PPP1R1C: variants seen among roughly 807,000 people sequenced by gnomAD.
The protein encoded by PPP1R1C is protein phosphatase 1 regulatory inhibitor subunit 1C, also known as protein phosphatase 1 regulatory subunit 1C.
In PPP1R1C, 15 loss-of-function variants were observed where a neutral mutation model predicts 17.4. The observed-to-expected ratio is 0.86, with a 90% CI of 0.58 to 1.33. PPP1R1C has a LOEUF of 1.33. Among genes scored for constraint, PPP1R1C ranks in the 40% most tolerant of loss-of-function variants. The pLI, the probability that PPP1R1C is intolerant of heterozygous loss-of-function variation, is 0.00. For missense variants in PPP1R1C, 143 were observed against 130.0 expected (o/e 1.10, Z -0.48); for synonymous variants, 35 against 43.1 (o/e 0.81, Z 0.73).
intron 4 of PPP1R1C, among the ~76,000 whole-genome samples, chr2:182,105,954 G>A (rs1434435962): frequency 2.0e-5 from 3 of 152,144 alleles, no homozygotes; most frequent in Non-Finnish European, 4.4e-5. Context: ...CTGAGACAAC[G>A]GTGTCCTCAG....
chr2:182,007,191 G>T (rs1319953463), intron 2 of PPP1R1C, among the ~76,000 whole-genome samples: 2 of 152,066 alleles, frequency 1.3e-5, no homozygotes, highest in Non-Finnish European at 2.9e-5. Flanking sequence ...CTTGATCCTT[G>T]TGTTGAAATT....
At chr2:182,112,837 T>C (rs191314969) in intron 4 of PPP1R1C, among the ~76,000 whole-genome samples, 2 of 152,276 alleles carry the variant, frequency 1.3e-5, no homozygotes, top group Admixed American at 6.5e-5. Flanking sequence ...TAAAGGACTT[T>C]AGAATGATTT....
rs960216009 is a variant in PPP1R1C, at chr2:182,127,950, C to T, written c.*7-1024C>T. 7.2e-5 allele frequency among the ~76,000 whole-genome samples: 11 copies of T among 152,040 alleles called. No homozygotes were observed. In the East Asian group the frequency reaches 1.3e-3, roughly 19 times the overall value. On this transcript the variant is annotated intron_variant, in intron 5 of 5. Coordinates refer to the PPP1R1C transcript ENST00000280295. ...TAGACATTTTTGCCAATTAAAAATG[C>T]ATATATTAGGTAATACGGGCTGGAT...
downstream of PPP1R1C, among the ~76,000 whole-genome samples, chr2:182,121,514 A>C (rs1689732364): frequency 1.3e-5 from 2 of 151,864 alleles, no homozygotes; most frequent in African/African-American, 4.8e-5. Context: ...TTTGAGATGG[A>C]GTCTCGCTCT....
intron 4 of PPP1R1C, among the ~76,000 whole-genome samples, chr2:182,079,947 A>G (rs896746818): frequency 6.6e-6 from 1 of 152,060 alleles, no homozygotes; most frequent in Admixed American, 6.5e-5. Context: ...AATATTGGCT[A>G]CTTCATCCTG....
Position 181,962,469 on chromosome 2 carries a change from T to C in PPP1R1C, n.111+7835T>C. 1.4e-6 allele frequency: 1 copy of C among 698,934 alleles called. No individual in the cohort carries two copies. The highest frequency in any genetic ancestry group is 1.4e-5 in the South Asian group (1 of 70,718). 43.3% of individuals were successfully genotyped at this position (698,934 alleles called of 1,614,324 possible). A position where few individuals can be genotyped will look rare whatever the true frequency, so the allele number is the denominator to read the frequency against. ...TTGGTGGAGAAGATGGAGCGAGTGG[T>C]GAAGCTCATGCTATCCAGGGAGGAG... On this transcript the variant is annotated intron_variant and non_coding_transcript_variant, in intron 1 of 5. Coordinates refer to the PPP1R1C transcript ENST00000464264. This position sits in a 1 kb window ranked among gnomAD's most constrained non-coding sequence, Gnocchi z 6.0.
intron 1 of PPP1R1C, among the ~76,000 whole-genome samples, chr2:181,968,960 A>G (rs1001272417): frequency 2.0e-5 from 3 of 152,204 alleles, no homozygotes; most frequent in African/African-American, 7.2e-5. Context: ...ACAAAAACAA[A>G]CAAGCAAAGA....
At chr2:182,071,346 G>A (rs1188376623) in intron 4 of PPP1R1C, among the ~76,000 whole-genome samples, 1 of 152,164 alleles carries the variant, frequency 6.6e-6, no homozygotes, top group Non-Finnish European at 1.5e-5. Context: ...ACCGGGATTT[G>A]ACTGATGTTT....
intron 4 of PPP1R1C, among the ~76,000 whole-genome samples, chr2:182,103,171 T>TA (rs959982093): frequency 1.1e-4 from 17 of 151,778 alleles, no homozygotes; most frequent in Admixed American, 2.0e-4. Context: ...TTTTGTTATT[T>TA]AAAAAAAAAT....
intron 2 of PPP1R1C, among the ~76,000 whole-genome samples, chr2:182,028,069 A>AT (rs1267645287): frequency 4.5e-5 from 6 of 132,358 alleles, no homozygotes; most frequent in African/African-American, 1.7e-4. Context: ...CCCCTTTATC[A>AT]TTTTTTATTG....
At chr2:182,079,729 T>A (rs542703159) in intron 4 of PPP1R1C, among the ~76,000 whole-genome samples, 4 of 152,300 alleles carry the variant, frequency 2.6e-5, no homozygotes, top group African/African-American at 9.6e-5. Context: ...AACCAAGGTA[T>A]CAGTAGGGCC....
At chr2:182,036,460 C>T (rs111303512) in intron 2 of PPP1R1C, among the ~76,000 whole-genome samples, 1 of 152,094 alleles carries the variant, frequency 6.6e-6, no homozygotes, top group Admixed American at 6.5e-5. Context: ...AACTAAAATG[C>T]ACAAACATTT....
At chr2:181,983,090 A>G (rs995000833), upstream of PPP1R1C, among the ~76,000 whole-genome samples, 1 of 152,138 alleles carries the variant, frequency 6.6e-6, no homozygotes, top group African/African-American at 2.4e-5. Flanking sequence ...TTTCATTCAT[A>G]TACCACGTCA....
chr2:182,031,407 G>A (rs1197278515), intron 2 of PPP1R1C, among the ~76,000 whole-genome samples: 4 of 152,184 alleles, frequency 2.6e-5, no homozygotes, highest in African/African-American at 4.8e-5. Flanking sequence ...GAAAAAAGTC[G>A]TTAAGTTGCT....
In PPP1R1C at chr2:182,005,230, A is replaced by G. The variant is rs1340991336; in HGVS notation, c.142+17331A>G. ...AATTACTGCTCTTAATCATTAAAGT[A>G]AATTCAATTAGACATGTACATCATT... On this transcript the variant is annotated intron_variant, in intron 2 of 4. Transcript: ENST00000682840. Among the ~76,000 whole-genome samples, 3 of 152,212 alleles carry G rather than the reference A, an allele frequency of 2.0e-5. No individual in the cohort carries two copies. The East Asian group carries it at 5.8e-4, about 29-fold the overall frequency.
intron 4 of PPP1R1C, 177 bp downstream of exon 4, chr2:182,063,968 A>G (rs1574421980): frequency 4.1e-6 from 2 of 487,164 alleles, no homozygotes; most frequent in East Asian, 6.3e-5. Context: ...CATCAAGAGT[A>G]AAATATGGGG....
chr2:182,041,938 G>A (rs1687196182), intron 2 of PPP1R1C, among the ~76,000 whole-genome samples: 1 of 151,978 alleles, frequency 6.6e-6, no homozygotes, highest in African/African-American at 2.4e-5. Flanking sequence ...CTAATATGTG[G>A]TTATTTCGTA....
At chr2:182,097,511 A>C (rs1244892227) in intron 4 of PPP1R1C, among the ~76,000 whole-genome samples, 3 of 152,228 alleles carry the variant, frequency 2.0e-5, no homozygotes, top group Admixed American at 2.0e-4. Context: ...TGACAGGGGA[A>C]TAAAAACTTA....
chr2:182,031,497 G>T (rs778429127), intron 2 of PPP1R1C, among the ~76,000 whole-genome samples: 16 of 152,180 alleles, frequency 1.1e-4, no homozygotes, highest in Non-Finnish European at 2.1e-4. Flanking sequence ...TTATAGCCTG[G>T]AGAATTTGTA....
Sources: allele counts gnomAD v4.1 joint callset (sites outside exome capture counted in the v4.1 genomes callset), GRCh38; gene constraint gnomAD v4.1.1; non-coding constraint Gnocchi (gnomAD v3.1); transcripts MANE v1.5; gene names NCBI Gene and HGNC (gene_info 2026-07-23, HGNC 2026-07-21).